Variants in AARS1 observed in about 807,000 individuals in gnomAD.
The protein encoded by AARS1 is alanine--tRNA ligase, cytoplasmic.
AARS1 carries 72 observed loss-of-function variants against 108.9 expected under a neutral mutation model. The observed-to-expected ratio is 0.66, with a 90% confidence interval of 0.55 to 0.80. The LOEUF is 0.80. AARS1 is among the 30% of genes least tolerant of loss of function. The pLI is 0.00. For missense variants in AARS1, 1,193 were observed against 1,233.2 expected, an observed-to-expected ratio of 0.97 and a Z score of 0.49; for synonymous variants, 489 against 465.7, an observed-to-expected ratio of 1.05 and a Z score of -0.64.
At position 70,252,363 on chromosome 16, in the gene AARS1, G is replaced by A. The variant is rs541101578; in HGVS notation, c.*358C>T. 28 of 371,074 alleles carry A rather than the reference G, an allele frequency of 7.5e-5. No individual in the cohort carries two copies. In the East Asian group the frequency reaches 1.6e-3, roughly 21 times the overall value. The allele number at this position is 371,074 out of a possible 1,614,324, so 23.0% of individuals were successfully genotyped here. A position where few individuals can be genotyped will look rare whatever the true frequency, so the allele number is the denominator to read the frequency against. On this transcript the variant is annotated 3_prime_UTR_variant, in exon 21 of 21. Coordinates refer to ENST00000261772, the MANE Select transcript of AARS1 (RefSeq NM_001605.3). Reference sequence around the variant, plus strand: ...CAAAAGAGCCAGCCCCTATTGGGAAGAGGGATAGAGATCATGCGGCATTAA... The same window carrying A: ...CAAAAGAGCCAGCCCCTATTGGGAAAAGGGATAGAGATCATGCGGCATTAA...
intron 2 of AARS1, among the ~76,000 whole-genome samples, chr16:70,280,312 G>T (rs2152168996): frequency 6.6e-6 from 1 of 152,156 alleles, no homozygotes; most frequent in South Asian, 2.1e-4. Context: ...TGCCTCCCAG[G>T]TTCCAGCGAT....
At chr16:70,253,051 C>T in intron 20 of AARS1, 145 bp from the exon 21 acceptor site, 2 of 1,042,080 alleles carry the variant, frequency 1.9e-6, no homozygotes, top group Non-Finnish European at 2.9e-6. Context: ...ACGGCTGGTA[C>T]AGGGGGCGGC....
Position 70,275,031 on chromosome 16 carries a change from G to A in AARS1, c.479+1455C>T, listed in dbSNP as rs537178017. ...TCCTAGCACTTTGGGAGGCCAAAGCGGGTGGATCACCTGAAGTCAGGAGTT... is the reference window on the plus strand; with the variant it reads ...TCCTAGCACTTTGGGAGGCCAAAGCAGGTGGATCACCTGAAGTCAGGAGTT... On this transcript the variant is annotated intron_variant, in intron 4 of 20. Transcript: ENST00000261772. 4.5e-4 allele frequency among the ~76,000 whole-genome samples: 68 copies of A among 151,868 alleles called. No individual in the cohort carries two copies. In the South Asian group the frequency reaches 0.011, roughly 25 times the overall value.
intron 11 of AARS1, among the ~76,000 whole-genome samples, chr16:70,264,105 G>A (rs1192311381): frequency 6.6e-6 from 1 of 151,554 alleles, no homozygotes; most frequent in African/African-American, 2.4e-5. Flanking sequence ...AATCAGCCGG[G>A]TGTGGTGGTG....
At position 70,256,860 on chromosome 16, in the gene AARS1, A is replaced by G. The variant is rs191670571; in HGVS notation, c.2178-1024T>C. Among the ~76,000 whole-genome samples, 18 of 151,916 alleles carry G rather than the reference A, an allele frequency of 1.2e-4. No homozygotes were observed. The East Asian group carries it at 1.9e-3, about 16-fold the overall frequency. On this transcript the variant is annotated intron_variant, in intron 15 of 20. Transcript: ENST00000261772. Reference sequence around the variant, plus strand: ...CCGGGCGTGGTGGCTCACACCTGTAATCTCAGCACTTTGGGAGGCTGAGGC... The same window carrying G: ...CCGGGCGTGGTGGCTCACACCTGTAGTCTCAGCACTTTGGGAGGCTGAGGC...
intron 19 of AARS1, 153 bp from the exon 20 acceptor site, chr16:70,253,534 GCCCTGCCCCTA>G: frequency 9.9e-7 from 1 of 1,012,068 alleles, no homozygotes; most frequent in Non-Finnish European, 1.5e-6. Context: ...CCAGCGCCGG[GCCCTGCCCCTA>G]CCCTGGCCCA....
chr16:70,281,501 A>C (rs1960695427), intron 2 of AARS1, among the ~76,000 whole-genome samples: 1 of 152,102 alleles, frequency 6.6e-6, no homozygotes, highest in Non-Finnish European at 1.5e-5. Flanking sequence ...CCCCGTCTCT[A>C]CTAAAAATAC....
rs1597439359 is a variant in AARS1, at chr16:70,265,062, A to G, written c.1388T>C (p.Ile463Thr). The stretch of plus-strand genomic sequence containing the variant: ...TTCGATAGCGTAAATGTCCAGCATA[A>G]TGAGGTCTTCCCCACCAGCTCCCTT... ...QGKGAGGEDLIMLDIYAIEEL... is the reference protein window; with the variant it reads ...QGKGAGGEDLTMLDIYAIEEL... The change falls in exon 11 of 21, where the codon ATT becomes ACT. Residue 463 changes from isoleucine to threonine, a missense_variant. Transcript: ENST00000261772. The G allele has an allele frequency of 1.2e-6, 2 of 1,614,014 alleles. No homozygotes were observed.
Position 70,253,925 on chromosome 16 carries a change from C to G in AARS1, c.2514G>C (p.Gln838His), listed in dbSNP as rs1402330903. 1 of 1,614,114 alleles carries G rather than the reference C, an allele frequency of 6.2e-7. No individual in the cohort carries two copies. The highest frequency in any genetic ancestry group is 8.5e-7 in the Non-Finnish European group (1 of 1,180,044). Reference sequence around the variant, plus strand: ...TGGTGCTGCCAGGACTCACTCGTTTCTGGACATCGGCTTTGCTGGCTCGGT... The same window carrying G: ...TGGTGCTGCCAGGACTCACTCGTTTGTGGACATCGGCTTTGCTGGCTCGGT... ...DLDRASKADV[Q>H]KRVLEKTKQF... is the part of the protein sequence containing the mutation. The change falls in exon 18 of 21, where the codon CAG (glutamine) becomes CAC (histidine). Residue 838 changes from glutamine to histidine, a missense_variant. By Grantham distance (24) the Gln-to-His change is conservative. Coordinates refer to ENST00000261772, the MANE Select transcript of AARS1 (RefSeq NM_001605.3).
intron 8 of AARS1, 58 bp from the exon 9 acceptor site, chr16:70,267,867 C>T (rs1296610230): frequency 9.9e-6 from 16 of 1,612,262 alleles, no homozygotes; most frequent in East Asian, 2.2e-5. Context: ...TTCCCTGCCC[C>T]GTCTTAAAAA....
chr16:70,278,502 T>A (rs540693998), intron 2 of AARS1, among the ~76,000 whole-genome samples: 8 of 151,340 alleles, frequency 5.3e-5, no homozygotes, highest in Admixed American at 2.6e-4. Context: ...GAGGCAGAGG[T>A]TGCAGTGAGC....
chr16:70,281,167 G>A (rs113279975), intron 2 of AARS1, among the ~76,000 whole-genome samples: 2,380 of 152,090 alleles, frequency 0.016, 53 homozygotes, highest in African/African-American at 0.053. Flanking sequence ...CAAATAAACC[G>A]TACTAACTAA....
chr16:70,264,583 T>C (rs1215989597), intron 11 of AARS1, among the ~76,000 whole-genome samples: 2 of 151,988 alleles, frequency 1.3e-5, no homozygotes, highest in Admixed American at 1.3e-4. Context: ...TCCCAAAGTG[T>C]TGGGATTACA....
intron 4 of AARS1, among the ~76,000 whole-genome samples, chr16:70,274,583 G>C (rs1960492291): frequency 6.6e-6 from 1 of 151,734 alleles, no homozygotes; most frequent in Non-Finnish European, 1.5e-5. Context: ...AATTAGCCAG[G>C]CGTGGTAGTG....
chr16:70,282,516 G>A (rs1034290717), intron 2 of AARS1, 104 bp downstream of exon 2: 2 of 1,382,894 alleles, frequency 1.4e-6, no homozygotes, highest in East Asian at 2.3e-5. Context: ...ATCACACAGG[G>A]AGTGACAGAA....
chr16:70,268,194 A>C (rs1243055180), intron 8 of AARS1, 77 bp downstream of exon 8: 11 of 1,351,072 alleles, frequency 8.1e-6, no homozygotes, highest in Non-Finnish European at 1.2e-5. Flanking sequence ...AAGCTGCTTA[A>C]CAGTATGCCC....
chr16:70,277,910 A>G (rs569217262), intron 2 of AARS1, among the ~76,000 whole-genome samples: 1 of 152,066 alleles, frequency 6.6e-6, no homozygotes, highest in African/African-American at 2.4e-5. Context: ...GTACAGGTAC[A>G]CCTGGCTAAT....
At position 70,255,894 on chromosome 16, in the gene AARS1, G is replaced by T. The variant is rs1028311048; in HGVS notation, c.2178-58C>A. 9 of 1,503,862 alleles carry T rather than the reference G, an allele frequency of 6.0e-6. No homozygotes were observed. In the African/African-American group the frequency reaches 8.3e-5, roughly 14 times the overall value. The allele number at this position is 1,503,862 out of a possible 1,614,324, so 93.2% of individuals were successfully genotyped here. On this transcript the variant is annotated intron_variant, in intron 15 of 20. Transcript: ENST00000261772. The stretch of plus-strand genomic sequence containing the variant: ...GAGGCCCTGGCAGCCCTTGGCTGGG[G>T]GGTCACACTAGCGGACAAGAGAAGC...
chr16:70,284,094 G>A (rs1017519907), intron 1 of AARS1, among the ~76,000 whole-genome samples: 1 of 152,110 alleles, frequency 6.6e-6, no homozygotes, highest in Admixed American at 6.6e-5. Context: ...GAGGTCAGGA[G>A]ATCCAGAACA....
Sources: allele counts gnomAD v4.1 joint callset (sites outside exome capture counted in the v4.1 genomes callset), GRCh38; gene constraint gnomAD v4.1.1; transcripts MANE v1.5; gene names NCBI Gene and HGNC (gene_info 2026-07-23, HGNC 2026-07-21).